The following RELN variants were observed in gnomAD, a reference collection of about 807,000 sequenced individuals.
RELN encodes reelin.
A neutral mutation model predicts 427.6 loss-of-function variants in RELN; 108 were observed. That is an observed-to-expected ratio of 0.25 (90% CI 0.22 to 0.30). RELN has a LOEUF of 0.30. RELN is among the 10% of genes least tolerant of loss of function. RELN has a pLI of 1.00. For missense variants in RELN, 3,715 were observed against 4,302.8 expected, an observed-to-expected ratio of 0.86 and a Z score of 3.82; for synonymous variants, 1,524 against 1,513.4, an observed-to-expected ratio of 1.01 and a Z score of -0.16.
At chr7:103,567,859 G>A (rs922608998) in intron 31 of RELN, among the ~76,000 whole-genome samples, 21 of 151,582 alleles carry the variant, frequency 1.4e-4, no homozygotes, top group African/African-American at 5.1e-4. Context: ...GCAGTGGCAC[G>A]ATTACAGCTC....
At position 103,750,207 on chromosome 7, in the gene RELN, A is replaced by T. The variant is rs186835818; in HGVS notation, c.578-703T>A. Among the ~76,000 whole-genome samples, 116 of 152,234 alleles carry T rather than the reference A, an allele frequency of 7.6e-4. No homozygotes were observed. In the South Asian group the frequency reaches 0.012, roughly 16 times the overall value. On this transcript the variant is annotated intron_variant, in intron 5 of 64. Coordinates refer to ENST00000428762, the MANE Select transcript of RELN (RefSeq NM_005045.4). ...TGGCCAGGCTGGTCTTGAACTCCTG[A>T]CCTCAGGTGATCCACCTGCCTCGAT...
chr7:103,540,521 C>G (rs1167702373), intron 43 of RELN, 66 bp from the exon 44 acceptor site: 17 of 1,490,318 alleles, frequency 1.1e-5, no homozygotes, highest in Non-Finnish European at 1.4e-5. Context: ...TAACAACAGA[C>G]AAGCACATGG....
chr7:103,805,692 G>T (rs936303126), intron 3 of RELN, among the ~76,000 whole-genome samples: 1 of 152,166 alleles, frequency 6.6e-6, no homozygotes, highest in African/African-American at 2.4e-5. Flanking sequence ...ATTTTGCTGG[G>T]TCACAGGCTC....
At chr7:103,601,934 T>C (rs554577742) in intron 24 of RELN, among the ~76,000 whole-genome samples, 1 of 152,210 alleles carries the variant, frequency 6.6e-6, no homozygotes, top group Admixed American at 6.5e-5. Context: ...CAAGAAAAAC[T>C]TTCATACAGA....
chr7:103,797,082 T>G (rs1372636478), intron 3 of RELN, among the ~76,000 whole-genome samples: 1 of 152,058 alleles, frequency 6.6e-6, no homozygotes, highest in Non-Finnish European at 1.5e-5. Context: ...AGTCATTTTA[T>G]TTTATTTATT....
At chr7:103,598,163 G>A (rs1584330337) in intron 24 of RELN, among the ~76,000 whole-genome samples, 1 of 152,286 alleles carries the variant, frequency 6.6e-6, no homozygotes, top group East Asian at 1.9e-4. Flanking sequence ...CTACTGATAG[G>A]TCTAAAGCCA....
chr7:103,533,485 C>T (rs963241471), intron 46 of RELN, among the ~76,000 whole-genome samples: 2 of 152,126 alleles, frequency 1.3e-5, no homozygotes, highest in Non-Finnish European at 2.9e-5. Context: ...TGATCTTTGG[C>T]ATATGGCAGA....
intron 46 of RELN, among the ~76,000 whole-genome samples, chr7:103,528,167 C>G (rs1356629741): frequency 1.3e-5 from 2 of 152,108 alleles, no homozygotes; most frequent in Non-Finnish European, 2.9e-5. Context: ...AAACGATGAA[C>G]AGATAAATAA....
chr7:103,803,811 T>C (rs73180133), intron 3 of RELN, among the ~76,000 whole-genome samples: 40,035 of 151,734 alleles, frequency 0.26, 5,359 homozygotes, highest in East Asian at 0.35. Flanking sequence ...CTCTTAGGAG[T>C]CTGTCATTTT....
intron 8 of RELN, among the ~76,000 whole-genome samples, chr7:103,719,869 T>C (rs1790032277): frequency 6.6e-6 from 1 of 152,188 alleles, no homozygotes; most frequent in South Asian, 2.1e-4. Context: ...GATCTTTCAC[T>C]GGAATGGAAA....
At chr7:103,580,541 C>T (rs1451835404) in intron 28 of RELN, among the ~76,000 whole-genome samples, 1 of 152,210 alleles carries the variant, frequency 6.6e-6, no homozygotes, top group African/African-American at 2.4e-5. Flanking sequence ...AAACACACTG[C>T]AATTTCAGAT....
chr7:103,978,062 AT>A (rs1253292409), intron 1 of RELN, among the ~76,000 whole-genome samples: 1 of 151,942 alleles, frequency 6.6e-6, no homozygotes, highest in African/African-American at 2.4e-5. Context: ...ACATCTATTT[AT>A]CTTAAATTAA....
intron 27 of RELN, among the ~76,000 whole-genome samples, chr7:103,590,974 A>C (rs1831403390): frequency 6.6e-6 from 1 of 152,240 alleles, no homozygotes; most frequent in Non-Finnish European, 1.5e-5. Context: ...TAAGGAGTCA[A>C]AATGTAGAAA....
At chr7:103,599,462 G>A (rs970613471) in intron 24 of RELN, among the ~76,000 whole-genome samples, 3 of 152,238 alleles carry the variant, frequency 2.0e-5, no homozygotes, top group Admixed American at 1.3e-4. Flanking sequence ...TCAAGAGTAT[G>A]TATTGATTTG....
intron 1 of RELN, among the ~76,000 whole-genome samples, chr7:103,934,315 A>G (rs575491053): frequency 2.0e-5 from 3 of 152,128 alleles, no homozygotes; most frequent in African/African-American, 7.2e-5. Flanking sequence ...ACTTCCTCAT[A>G]TTCAATGAGA....
chr7:103,716,065 T>C (rs1331948366), intron 8 of RELN, among the ~76,000 whole-genome samples: 1 of 152,198 alleles, frequency 6.6e-6, no homozygotes, highest in African/African-American at 2.4e-5. Context: ...GCTCTGACCT[T>C]GGTCCCCAGT....
At chr7:103,651,918 G>A (rs1053052786) in intron 14 of RELN, 129 bp from the exon 15 acceptor site, 11 of 944,774 alleles carry the variant, frequency 1.2e-5, no homozygotes, top group Admixed American at 2.2e-5. Flanking sequence ...TAAAGATGCT[G>A]TTTCCTAAAT....
At chr7:103,789,632 G>C (rs1218938170) in intron 3 of RELN, among the ~76,000 whole-genome samples, 1 of 152,182 alleles carries the variant, frequency 6.6e-6, no homozygotes, top group Admixed American at 6.5e-5. Context: ...ACCGCAATGA[G>C]ATACCATCTC....
chr7:103,661,605 G>C, intron 11 of RELN, 78 bp from the exon 12 acceptor site: 1 of 1,268,450 alleles, frequency 7.9e-7, no homozygotes, highest in African/African-American at 1.5e-5. Context: ...TTAGTTTTTA[G>C]TGAGGGACAC....
Sources: allele counts gnomAD v4.1 joint callset (sites outside exome capture counted in the v4.1 genomes callset), GRCh38; gene constraint gnomAD v4.1.1; transcripts MANE v1.5; gene names NCBI Gene and HGNC (gene_info 2026-07-23, HGNC 2026-07-21).